The following FMN1 variants were observed in gnomAD, a reference collection of about 807,000 sequenced individuals.
The protein encoded by FMN1 is formin-1.
A neutral mutation model predicts 132.4 loss-of-function variants in FMN1; 110 were observed. The ratio of observed to expected loss-of-function variants is 0.83; its 90% CI spans 0.71 to 0.97. FMN1 has a LOEUF of 0.97. FMN1 is among the 50% of genes least tolerant of loss of function. The probability of loss-of-function intolerance (pLI) is 0.00; values close to 1 mark genes in which losing one functional copy is unlikely to be tolerated. For synonymous variants in FMN1, 722 were observed against 651.7 expected (o/e 1.11, Z -1.64); for missense variants, 1,792 against 1,705.3 (o/e 1.05, Z -0.90).
At chr15:33,121,444 C>A (rs1478441167) in intron 4 of FMN1, among the ~76,000 whole-genome samples, 4 of 152,156 alleles carry the variant, frequency 2.6e-5, no homozygotes, top group Admixed American at 6.5e-5. Flanking sequence ...TCCAGTATTA[C>A]ATGTAGTTCT....
chr15:32,786,016 G>A (rs1207988696), intron 19 of FMN1, among the ~76,000 whole-genome samples: 1 of 152,136 alleles, frequency 6.6e-6, no homozygotes, highest in Non-Finnish European at 1.5e-5. Flanking sequence ...AATGGATACG[G>A]TATGCTCTGT....
At chr15:32,853,993 A>ATTTAGATCTATACATTTAAAT (rs2059068466) in intron 17 of FMN1, among the ~76,000 whole-genome samples, 1 of 152,248 alleles carries the variant, frequency 6.6e-6, no homozygotes, top group Non-Finnish European at 1.5e-5. Flanking sequence ...AATGTGAACC[A>ATTTAGATCTATACATTTAAAT]CTAATACAAT....
At chr15:33,104,832 G>A (rs948490883) in intron 4 of FMN1, among the ~76,000 whole-genome samples, 1 of 152,134 alleles carries the variant, frequency 6.6e-6, no homozygotes, top group African/African-American at 2.4e-5. Context: ...TTGCTTTGCA[G>A]AAATTAAAAT....
At chr15:32,922,436 A>C (rs1306277348) in intron 10 of FMN1, among the ~76,000 whole-genome samples, 1 of 152,244 alleles carries the variant, frequency 6.6e-6, no homozygotes, top group Non-Finnish European at 1.5e-5. Context: ...AATTCCTGGC[A>C]AAGAAATGCA....
At chr15:32,903,924 G>A (rs374442206) in intron 12 of FMN1, among the ~76,000 whole-genome samples, 6 of 152,080 alleles carry the variant, frequency 3.9e-5, no homozygotes, top group East Asian at 1.9e-4. Context: ...CAACCCATAC[G>A]AAGAGTTGGA....
intron 6 of FMN1, among the ~76,000 whole-genome samples, chr15:33,029,287 C>T (rs1487130202): frequency 6.6e-6 from 1 of 151,978 alleles, no homozygotes; most frequent in East Asian, 1.9e-4. Flanking sequence ...CATGGCTGTT[C>T]AGCAGAGCAC....
In FMN1 at chr15:33,153,343, CAG is replaced by C. The variant is rs1351053956; in HGVS notation, c.1570_1571del (p.Leu524ValfsTer22). The part of the protein sequence containing the change: ...HKQTSPVPSP[L>X]SPRLPSPQQH... ...GCTGAGGGCTGGGGAGCCTTGGAGA[CAG>C]AGGCGAGGGAACAGGTGACGTCTGT... On this transcript the variant is annotated frameshift_variant, in exon 4 of 21. Coordinates refer to ENST00000616417, the MANE Select transcript of FMN1 (RefSeq NM_001277313.2). LOFTEE classifies it high-confidence loss of function. 6.5e-7 allele frequency: 1 copy of C among 1,536,232 alleles called. No homozygotes were observed. Among genetic ancestry groups the C allele is most frequent in the Non-Finnish European group, 8.7e-7 (1 of 1,146,954 alleles).
chr15:32,976,958 A>G (rs2032258915), intron 7 of FMN1, among the ~76,000 whole-genome samples: 1 of 152,210 alleles, frequency 6.6e-6, no homozygotes, highest in Non-Finnish European at 1.5e-5. Flanking sequence ...GGGGGACGTT[A>G]ATCTGTATAA....
chr15:32,805,412 G>C (rs2057644344), intron 17 of FMN1, among the ~76,000 whole-genome samples: 1 of 152,154 alleles, frequency 6.6e-6, no homozygotes, highest in Non-Finnish European at 1.5e-5. Flanking sequence ...CCCTTTGTCA[G>C]ATGGGTAGAT....
chr15:32,926,068 A>G (rs2060951925), intron 10 of FMN1, 106 bp downstream of exon 10: 1 of 680,278 alleles, frequency 1.5e-6, no homozygotes, highest in African/African-American at 1.8e-5. Context: ...TTGGGTATAT[A>G]GGATTCATTA....
At chr15:33,079,316 TTTTTA>T (rs1245630724) in intron 5 of FMN1, among the ~76,000 whole-genome samples, 2 of 152,242 alleles carry the variant, frequency 1.3e-5, no homozygotes, top group Admixed American at 6.5e-5. Flanking sequence ...CTTTTTATTC[TTTTTA>T]TTTTATAAAG....
chr15:33,037,185 G>C (rs1437614692), intron 6 of FMN1, among the ~76,000 whole-genome samples: 1 of 152,206 alleles, frequency 6.6e-6, no homozygotes, highest in African/African-American at 2.4e-5. Flanking sequence ...GCCAGTCCCA[G>C]AGTTTGAGAT....
At chr15:33,048,100 T>G (rs2036774829) in intron 6 of FMN1, among the ~76,000 whole-genome samples, 1 of 150,674 alleles carries the variant, frequency 6.6e-6, no homozygotes, top group African/African-American at 2.4e-5. Context: ...TAAAAAGTTT[T>G]AAAGATTATG....
intron 4 of FMN1, among the ~76,000 whole-genome samples, chr15:33,127,133 C>G (rs1542374): frequency 0.89 from 135,562 of 152,236 alleles, 60,475 homozygotes; most frequent in East Asian, 0.97. Context: ...TGTTAACAAG[C>G]AGTAGCAGAC....
intron 12 of FMN1, 47 bp downstream of exon 12, chr15:32,908,443 T>C (rs1255989564): frequency 4.1e-6 from 5 of 1,228,598 alleles, no homozygotes; most frequent in Non-Finnish European, 4.8e-6. Flanking sequence ...AAGACAGAAA[T>C]TGCAGTTCTC....
At chr15:32,908,313 C>T (rs1385788647) in intron 12 of FMN1, 177 bp downstream of exon 12, 1 of 557,220 alleles carries the variant, frequency 1.8e-6, no homozygotes, top group Non-Finnish European at 3.2e-6. Flanking sequence ...GCACAAATCT[C>T]AGCGCTGCTT....
At chr15:33,052,412 C>T (rs1467969065) in intron 6 of FMN1, among the ~76,000 whole-genome samples, 2 of 152,148 alleles carry the variant, frequency 1.3e-5, no homozygotes, top group African/African-American at 2.4e-5. Flanking sequence ...TGCAAATACA[C>T]GTGCATGGAA....
In FMN1 at chr15:33,154,535, G is replaced by A. The variant is rs982285872; in HGVS notation, c.380C>T (p.Ala127Val). ...ACTCTGGAAACAGTCATCCTCGGGG[G>A]CCAGGCTCACGGACAGCTCTTGCAG... ...GKLQELSVSL[A>V]PEDDCFQSAG... is the part of the protein sequence containing the mutation. The change falls in exon 4 of 21, where the codon GCC becomes GTC. Residue 127 changes from alanine to valine, a missense_variant. Around this residue, in one of 3 missense-constraint regions of FMN1, gnomAD observed 638 missense variants for 645.2 expected, o/e 0.99. Transcript: ENST00000616417. 6 of 1,535,976 alleles carry A rather than the reference G, an allele frequency of 3.9e-6. No individual in the cohort carries two copies. The African/African-American group carries it at 8.2e-5, about 21-fold the overall frequency.
intron 9 of FMN1, among the ~76,000 whole-genome samples, chr15:32,957,969 G>A (rs890591240): frequency 6.6e-5 from 10 of 152,048 alleles, no homozygotes; most frequent in African/African-American, 1.2e-4. Context: ...TCACAAATGA[G>A]AATGGCACCT....
Sources: allele counts gnomAD v4.1 joint callset (sites outside exome capture counted in the v4.1 genomes callset), GRCh38; gene constraint gnomAD v4.1.1; regional missense constraint gnomAD v4.1.1; transcripts MANE v1.5; gene names NCBI Gene and HGNC (gene_info 2026-07-23, HGNC 2026-07-21).